GBP5: variants seen among roughly 807,000 people sequenced by gnomAD.
GBP5 encodes the protein guanylate binding protein 5.
GBP5 carries 48 observed loss-of-function variants against 58.2 expected under a neutral mutation model. The observed-to-expected ratio is 0.83, with a 90% confidence interval of 0.65 to 1.05. The LOEUF (loss-of-function observed/expected upper bound fraction) is 1.05. Among genes scored for constraint, GBP5 ranks in the 50% least tolerant of loss-of-function variants. The probability of loss-of-function intolerance (pLI) is 0.00; values close to 1 mark genes in which losing one functional copy is unlikely to be tolerated. For missense variants in GBP5, 714 were observed against 686.8 expected (o/e 1.04, Z -0.44); for synonymous variants, 248 against 251.8 (o/e 0.98, Z 0.14).
Position 89,263,718 on chromosome 1 carries a change from A to C in GBP5, c.1362+18T>G, listed in dbSNP as rs1221452875. The C allele has an allele frequency of 1.3e-6, 2 of 1,568,598 alleles. No homozygotes were observed. Among genetic ancestry groups the C allele is most frequent in the African/African-American group, 2.7e-5 (2 of 74,002 alleles). On this transcript the variant is annotated intron_variant, in intron 9 of 11. Transcript: ENST00000370459. Reference sequence around the variant, plus strand: ...AGGTCCCTCAGCAATTCTCCACAATAGGTAGAACTAGGGATACCTGTATTC... The same window carrying C: ...AGGTCCCTCAGCAATTCTCCACAATCGGTAGAACTAGGGATACCTGTATTC...
chr1:89,260,404 G>A lies in GBP5; in HGVS notation c.*300C>T, dbSNP rs1649962616. The A allele has an allele frequency of 6.4e-6, 1 of 155,830 alleles. No homozygotes were observed. The allele number at this position is 155,830 out of a possible 1,614,324, so 9.7% of individuals were successfully genotyped here. Reference sequence around the variant, plus strand: ...GAAATTAGACAGATGACATTGAGATGCAAGGAAAGCATCTCCTGATGAAAC... The same window carrying A: ...GAAATTAGACAGATGACATTGAGATACAAGGAAAGCATCTCCTGATGAAAC... On this transcript the variant is annotated 3_prime_UTR_variant, in exon 12 of 12. Coordinates refer to ENST00000370459, the MANE Select transcript of GBP5 (RefSeq NM_052942.5).
Position 89,267,051 on chromosome 1 carries a change from C to T in GBP5, c.531G>A (p.Val177=). 1 of 1,612,920 alleles carries T rather than the reference C, an allele frequency of 6.2e-7. No individual in the cohort carries two copies. Among genetic ancestry groups the T allele is most frequent in the Non-Finnish European group, 8.5e-7 (1 of 1,179,748 alleles). ...CTAAGCAGAAATCTCTCAGAGTCCA[C>T]ACTAAGTCTGGGAAGAAGCTCGCAG... ...ADSASFFPDL[V]WTLRDFCLGL... Residue 177 remains valine (V), a synonymous_variant, in exon 6 of 12, where the codon GTG becomes GTA. Transcript: ENST00000370459.
rs753752118 is a variant in GBP5 at position 89,263,912 on chromosome 1, G to A, written c.1186C>T (p.Arg396Trp). 6.2e-7 allele frequency: 1 copy of A among 1,611,274 alleles called. No homozygotes were observed. Among genetic ancestry groups the A allele is most frequent in the South Asian group, 1.1e-5 (1 of 90,932 alleles). Residue 396 changes from arginine to tryptophan, a missense_variant, in exon 9 of 12, where the codon CGG (arginine) becomes TGG (tryptophan). Transcript: ENST00000370459. ...LDAKQNDICK[R>W]NLEASSDYCS... ...TAATCCGAGGATGCTTCCAGGTTCC[G>A]TTTACAAATGTCATTCTGTTTTGCA...
In GBP5 at chr1:89,269,529, G is replaced by T. The variant is rs374743187; in HGVS notation, c.27C>A (p.Asp9Glu). ...TAAAGTTCTCGATGAGGCACATGGG[G>T]TCTGACATGTGGATCTCTAAAGCCA... is the stretch of plus-strand genomic sequence containing the variant. MALEIHMSDPMCLIENFNE... is the reference protein window; with the variant it reads MALEIHMSEPMCLIENFNE... Residue 9 changes from aspartate (D) to glutamate (E), a missense_variant, in exon 3 of 12, where the codon GAC (aspartate) becomes GAA (glutamate). Asp to Glu is a conservative substitution (Grantham distance 45, BLOSUM62 2). Coordinates refer to ENST00000370459, the MANE Select transcript of GBP5 (RefSeq NM_052942.5). 40 of 1,613,586 alleles carry T rather than the reference G, an allele frequency of 2.5e-5. 3 individuals carry two copies. The highest frequency in any genetic ancestry group is 6.7e-5 in the Admixed American group (4 of 60,016).
At chr1:89,267,666 T>C (rs2100596240) in intron 4 of GBP5, 140 bp from the exon 5 acceptor site, 2 of 618,324 alleles carry the variant, frequency 3.2e-6, no homozygotes, top group Admixed American at 2.7e-5. Flanking sequence ...AGTTCTCTTG[T>C]TAACATTGAT....
chr1:89,271,803 AAAT>A (rs1557506672), intron 1 of GBP5: 2 of 152,228 alleles, frequency 1.3e-5, no homozygotes, highest in Non-Finnish European at 2.9e-5. Context: ...GGCAACTGTT[AAAT>A]TAGGTGATTC....
At chr1:89,262,139 T>A in intron 11 of GBP5, 81 bp downstream of exon 11, 6 of 1,365,984 alleles carry the variant, frequency 4.4e-6, no homozygotes, top group Non-Finnish European at 6.2e-6. Flanking sequence ...AGCCACAAGA[T>A]CTTGCTGCCT....
intron 1 of GBP5, chr1:89,271,539 C>T (rs1297051132): frequency 6.6e-6 from 1 of 152,070 alleles, no homozygotes; most frequent in Non-Finnish European, 1.5e-5. Context: ...TGAAAGAAAA[C>T]ATCTGTTTTC....
rs368481043 is a variant in GBP5 at position 89,269,382 on chromosome 1, C to T, written c.174G>A (p.Leu58=). The change falls in exon 3 of 12, where the codon CTG becomes CTA. Residue 58 remains leucine (L), a synonymous_variant. Transcript: ENST00000370459. ...ACCACTCACCCTTGTTCTTCCCAGC[C>T]AGCTTGTTCATCAGGTAGGATTTGC... The part of the protein sequence containing the change: ...RTGKSYLMNK[L]AGKNKGFSVA... 3.1e-6 allele frequency: 5 copies of T among 1,613,918 alleles called. No homozygotes were observed. Among genetic ancestry groups the T allele is most frequent in the Non-Finnish European group, 4.2e-6 (5 of 1,179,964 alleles).
In GBP5 at chr1:89,266,695, C is replaced by T. The variant is rs1650235441; in HGVS notation, c.626-107G>A. 9 of 1,093,088 alleles carry T rather than the reference C, an allele frequency of 8.2e-6. No individual in the cohort carries two copies. In the South Asian group the frequency reaches 1.5e-4, roughly 18 times the overall value. 67.7% of individuals were successfully genotyped at this position (1,093,088 alleles called of 1,614,324 possible). On this transcript the variant is annotated intron_variant, in intron 6 of 11. Coordinates refer to ENST00000370459, the MANE Select transcript of GBP5 (RefSeq NM_052942.5). ...CCTGATGTCACTTAGATTAATATAT[C>T]TTCATAAACCCTAAGTAAAAAGCAA...
chr1:89,262,004 G>A lies in GBP5; in HGVS notation c.1647+216C>T, dbSNP rs1438016602. The A allele has an allele frequency of 7.1e-6, 4 of 563,100 alleles. No individual in the cohort carries two copies. In the Admixed American group the frequency reaches 9.7e-5, roughly 14 times the overall value. The allele number at this position is 563,100 out of a possible 1,614,324, so 34.9% of individuals were successfully genotyped here. ...CCTATAACATAGATATCATCACTGT[G>A]TCCATTTTACACAAGAGGAAAATTA... On this transcript the variant is annotated intron_variant, in intron 11 of 11. Coordinates refer to ENST00000370459, the MANE Select transcript of GBP5 (RefSeq NM_052942.5).
At position 89,264,909 on chromosome 1, in the gene GBP5, C is replaced by CA; in HGVS notation, c.925dup (p.Cys309LeufsTer26). ...CAAGGCCAGGACTGCATTCTCTATG[C>CA]AAGGCAGATCCCCACTGCTGATGGC... On this transcript the variant is annotated frameshift_variant, in exon 8 of 12. Coordinates refer to ENST00000370459, the MANE Select transcript of GBP5 (RefSeq NM_052942.5). LOFTEE classifies it high-confidence loss of function. The CA allele has an allele frequency of 6.2e-7, 1 of 1,614,236 alleles. No homozygotes were observed. Among genetic ancestry groups the CA allele is most frequent in the Non-Finnish European group, 8.5e-7 (1 of 1,180,034 alleles).
Position 89,269,567 on chromosome 1 carries a change from T to C in GBP5, c.-12A>G. 3.7e-6 allele frequency: 6 copies of C among 1,602,488 alleles called. No homozygotes were observed. Among genetic ancestry groups the C allele is most frequent in the Non-Finnish European group, 5.1e-6 (6 of 1,170,360 alleles). ...ATCTCTAAAGCCATGTCTAGGATGT[T>C]ACTTTGCCTGCAAGGGAACAGATGG... On this transcript the variant is annotated 5_prime_UTR_variant, in exon 3 of 12. Transcript: ENST00000370459.
At position 89,269,442 on chromosome 1, in the gene GBP5, T is replaced by G. The variant is rs754761161; in HGVS notation, c.114A>C (p.Val38=). The change falls in exon 3 of 12, where the codon GTA becomes GTC. Residue 38 remains valine (V), a synonymous_variant. Transcript: ENST00000370459. ...LEILSAITQP[V]VVVAIVGLYR... is the part of the protein sequence containing the mutation. ...AGAGGCCCACAATCGCTACCACAAC[T>G]ACAGGTTGCGTAATGGCAGACAGGA... 4 of 1,614,004 alleles carry G rather than the reference T, an allele frequency of 2.5e-6. No individual in the cohort carries two copies. The African/African-American group carries it at 5.3e-5, about 22-fold the overall frequency.
intron 8 of GBP5, among the ~76,000 whole-genome samples, 199 bp from the exon 9 acceptor site, chr1:89,264,147 G>A (rs1163248464): frequency 6.6e-6 from 1 of 152,046 alleles, no homozygotes; most frequent in Non-Finnish European, 1.5e-5. Context: ...TTTTGGGTTT[G>A]AATCTCTTGT....
At chr1:89,270,607 A>G (rs1233542151) in intron 2 of GBP5, 148 bp downstream of exon 2, 2 of 152,210 alleles carry the variant, frequency 1.3e-5, no homozygotes, top group Non-Finnish European at 2.9e-5. Context: ...TAGGATATCC[A>G]TTTGCAAATG....
intron 4 of GBP5, among the ~76,000 whole-genome samples, chr1:89,268,124 G>A (rs1198367144): frequency 2.6e-5 from 4 of 152,346 alleles, no homozygotes; most frequent in East Asian, 1.9e-4. Flanking sequence ...CCAAGTCTGA[G>A]TTTAGTGAAT....
chr1:89,268,572 T>C (rs751099832), intron 4 of GBP5, among the ~76,000 whole-genome samples, 157 bp downstream of exon 4: 2 of 152,194 alleles, frequency 1.3e-5, no homozygotes, highest in African/African-American at 2.4e-5. Context: ...TTTTCTCATG[T>C]CAGGCTTCCA....
intron 4 of GBP5, among the ~76,000 whole-genome samples, chr1:89,267,813 A>G (rs906758726): frequency 2.0e-5 from 3 of 152,172 alleles, no homozygotes; most frequent in African/African-American, 7.2e-5. Flanking sequence ...TGGCCTATAT[A>G]CCCAGTACAT....
Sources: gnomAD v4.1 joint callset for allele counts (sites outside exome capture counted in the v4.1 genomes callset) on GRCh38, gnomAD v4.1.1 for gene constraint, MANE v1.5 for transcripts, NCBI Gene and HGNC (gene_info 2026-07-23, HGNC 2026-07-21) for gene names.